Variants in ZNF385A observed in about 807,000 individuals in gnomAD.
The protein encoded by ZNF385A is zinc finger protein 385A.
In ZNF385A, 14 loss-of-function variants were observed where a neutral mutation model predicts 32.1. That is an observed-to-expected ratio of 0.44 (90% CI 0.29 to 0.68). ZNF385A has a LOEUF of 0.68. Ranked by LOEUF, ZNF385A falls within the 30% of genes least tolerant of loss-of-function variation. ZNF385A has a pLI of 0.14. For synonymous variants in ZNF385A, 197 were observed against 202.7 expected, an observed-to-expected ratio of 0.97 and a Z score of 0.24; for missense variants, 406 against 478.4, an observed-to-expected ratio of 0.85 and a Z score of 1.41.
chr12:54,378,608 A>G (rs1411272316), intron 1 of ZNF385A, among the ~76,000 whole-genome samples: 1 of 152,074 alleles, frequency 6.6e-6, no homozygotes, highest in East Asian at 1.9e-4. Context: ...ACCCACCAAA[A>G]TTAAGACGAA....
chr12:54,370,322 A>C lies in ZNF385A; in HGVS notation c.1035T>G (p.Pro345=), dbSNP rs1954450372. The change falls in exon 7 of 7, where the codon CCT becomes CCG. Residue 345 remains proline (P), a synonymous_variant. Transcript: ENST00000394313. The surrounding 1 kb of genome is among the most constrained non-coding windows in gnomAD (Gnocchi z 5.5). The stretch of plus-strand genomic sequence containing the variant: ...TGGGTCCGGGGGCCGGGTGAAGCAG[A>C]GGGTGAGTGATCGGCGGTCCCTGGA... ...PLLQGPPITH[P]LLHPAPGPIR... is the part of the protein sequence containing the mutation. The C allele has an allele frequency of 6.7e-7, 1 of 1,496,500 alleles. No individual in the cohort carries two copies. Among genetic ancestry groups the C allele is most frequent in the African/African-American group, 1.4e-5 (1 of 71,636 alleles). 92.7% of individuals were successfully genotyped at this position (1,496,500 alleles called of 1,614,324 possible).
rs531534107 is a variant in ZNF385A, at chr12:54,390,071, C to T, written c.10+1164G>A. On this transcript the variant is annotated intron_variant, in intron 1 of 7. Transcript: ENST00000338010. ...GAAAGGAAGACAAATAGCAGAGGGA[C>T]TCAGGAGAGGGATGAGTGCAGGAGC... is the stretch of plus-strand genomic sequence containing the variant. 2.6e-5 allele frequency among the ~76,000 whole-genome samples: 4 copies of T among 152,238 alleles called. No individual in the cohort carries two copies. In the East Asian group the frequency reaches 7.7e-4, roughly 29 times the overall value.
chr12:54,379,606 T>C (rs1050718287), intron 1 of ZNF385A, among the ~76,000 whole-genome samples: 16 of 152,066 alleles, frequency 1.1e-4, no homozygotes, highest in African/African-American at 3.9e-4. Context: ...GCCCCTATGC[T>C]GCTACCTTTT....
chr12:54,379,256 G>C (rs1955012681), intron 1 of ZNF385A: 1 of 960,496 alleles, frequency 1.0e-6, no homozygotes, highest in African/African-American at 1.8e-5. Context: ...CCCGGAGGCG[G>C]GGCCGAGGAC....
chr12:54,385,726 AGGGGCCTGGGCCTGACAGCGT>A, upstream of ZNF385A: 1 of 948,890 alleles, frequency 1.1e-6, no homozygotes, highest in Non-Finnish European at 1.3e-6. Context: ...CTGGCCCCCC[AGGGGCCTGGGCCTGACAGCGT>A]CCCCTTCCCT....
In ZNF385A at chr12:54,370,821, C is replaced by T. The variant is rs1954504520; in HGVS notation, c.775-100G>A. Reference sequence around the variant, plus strand: ...AGCACCGGCCCCCTCCCATCTGGCCCCCTGGGGAAAACTCTGAAGAAGGGC... The same window carrying T: ...AGCACCGGCCCCCTCCCATCTGGCCTCCTGGGGAAAACTCTGAAGAAGGGC... On this transcript the variant is annotated intron_variant, in intron 5 of 6. Transcript: ENST00000394313. This position sits in a 1 kb window ranked among gnomAD's most constrained non-coding sequence, Gnocchi z 5.5. 2.5e-6 allele frequency: 4 copies of T among 1,600,128 alleles called. No homozygotes were observed. The highest frequency in any genetic ancestry group is 3.4e-6 in the Non-Finnish European group (4 of 1,173,588).
At chr12:54,379,174 G>A (rs1955005914) in intron 1 of ZNF385A, 44 of 981,016 alleles carry the variant, frequency 4.5e-5, no homozygotes, top group Admixed American at 1.3e-4. Flanking sequence ...CTCGTTGCCC[G>A]GGCGGCTCGG....
At position 54,370,384 on chromosome 12, in the gene ZNF385A, G is replaced by A. The variant is rs1048769229; in HGVS notation, c.973C>T (p.Pro325Ser). ...GCTGGAGCCGGGCGCAGGGACAGCG[G>A]CGAGCCTGCTGCCGCTGCCATCACT... ...AAVMAAAAGS[P>S]LSLRPAPAAP... The change falls in exon 7 of 7, where the codon CCG (proline) becomes TCG (serine). Residue 325 changes from proline to serine, a missense_variant. Transcript: ENST00000394313. The surrounding 1 kb of genome is among the most constrained non-coding windows in gnomAD (Gnocchi z 5.5). 3 of 1,525,616 alleles carry A rather than the reference G, an allele frequency of 2.0e-6. No homozygotes were observed. Among genetic ancestry groups the A allele is most frequent in the African/African-American group, 2.8e-5 (2 of 72,274 alleles). The allele number at this position is 1,525,616 out of a possible 1,614,324, so 94.5% of individuals were successfully genotyped here. A position where few individuals can be genotyped will look rare whatever the true frequency, so the allele number is the denominator to read the frequency against.
upstream of ZNF385A, among the ~76,000 whole-genome samples, chr12:54,389,484 C>G (rs942348818): frequency 6.6e-6 from 1 of 152,192 alleles, no homozygotes; most frequent in Non-Finnish European, 1.5e-5. Context: ...ACAGTGTCCT[C>G]CAGGGGGATG....
chr12:54,385,821 G>C (rs1192068703), upstream of ZNF385A: 1 of 207,742 alleles, frequency 4.8e-6, no homozygotes, highest in Admixed American at 6.5e-5. Context: ...AGTAGAATCA[G>C]CCAATCAGAA....
At chr12:54,389,639 T>G (rs1955584057), upstream of ZNF385A, among the ~76,000 whole-genome samples, 1 of 152,218 alleles carries the variant, frequency 6.6e-6, no homozygotes, top group African/African-American at 2.4e-5. Context: ...GCACGGCTTA[T>G]GCCAGCCTAT....
rs914442390 is a variant in ZNF385A at position 54,380,920 on chromosome 12, G to A, written c.87+3508C>T. ...TCTACTAAAAATACAAAAATTGGCCGGGCGCAGTGGCTCATGCTTGTAATC... is the reference window on the plus strand; with the variant it reads ...TCTACTAAAAATACAAAAATTGGCCAGGCGCAGTGGCTCATGCTTGTAATC... On this transcript the variant is annotated intron_variant, in intron 1 of 6. Transcript: ENST00000394313. 4.6e-5 allele frequency among the ~76,000 whole-genome samples: 7 copies of A among 151,934 alleles called. No homozygotes were observed. In the South Asian group the frequency reaches 6.2e-4, roughly 14 times the overall value.
At chr12:54,388,523 G>A (rs1955552408), upstream of ZNF385A, among the ~76,000 whole-genome samples, 1 of 152,238 alleles carries the variant, frequency 6.6e-6, no homozygotes, top group Admixed American at 6.5e-5. Context: ...AGTAGGAATA[G>A]GAGCCAGGAA....
Position 54,370,942 on chromosome 12 carries a change from C to T in ZNF385A, c.759G>A (p.Glu253=). The T allele has an allele frequency of 6.2e-7, 1 of 1,614,204 alleles. No homozygotes were observed. Among genetic ancestry groups the T allele is most frequent in the Non-Finnish European group, 8.5e-7 (1 of 1,180,028 alleles). ...TTAGACCCACCTGTTTCAGTTGGAC[C>T]TCCGAGTTGACCTTGACATTGCAGA... ...CEICNVKVNS[E]VQLKQHISSR... is the part of the protein sequence containing the mutation. The change falls in exon 5 of 7, where the codon GAG becomes GAA. Residue 253 remains glutamate (E), a synonymous_variant. Coordinates refer to ENST00000394313, the MANE Select transcript of ZNF385A (RefSeq NM_015481.3). This position sits in a 1 kb window ranked among gnomAD's most constrained non-coding sequence, Gnocchi z 5.5.
rs1954411965 is a variant in ZNF385A, at chr12:54,369,671, C to T, written c.*585G>A. ...TGCCGGAGATGCCCCCAAGTGCTGC[C>T]CCCTGCAATGGGCCCGGCTAGACCT... On this transcript the variant is annotated 3_prime_UTR_variant, in exon 7 of 7. Transcript: ENST00000394313. 6.5e-6 allele frequency: 1 copy of T among 152,842 alleles called. No individual in the cohort carries two copies. Among genetic ancestry groups the T allele is most frequent in the Non-Finnish European group, 1.5e-5 (1 of 68,244 alleles). 9.5% of individuals were successfully genotyped at this position (152,842 alleles called of 1,614,324 possible).
chr12:54,379,911 G>A (rs956912904), intron 1 of ZNF385A, among the ~76,000 whole-genome samples: 1 of 152,250 alleles, frequency 6.6e-6, no homozygotes, highest in East Asian at 1.9e-4. Context: ...CACTCCCCCA[G>A]ACACCTCGTT....
chr12:54,390,295 GGC>G (rs1019348984), intron 1 of ZNF385A, among the ~76,000 whole-genome samples: 2 of 152,054 alleles, frequency 1.3e-5, no homozygotes. Flanking sequence ...GCATGCAGCC[GGC>G]GCTGATGCAG....
At chr12:54,372,420 G>C (rs1292439187) in intron 3 of ZNF385A, among the ~76,000 whole-genome samples, 1 of 152,140 alleles carries the variant, frequency 6.6e-6, no homozygotes, top group African/African-American at 2.4e-5. Flanking sequence ...ACCCCTCCAG[G>C]TACCCATTTG....
chr12:54,383,886 T>A (rs1165852109), intron 1 of ZNF385A, among the ~76,000 whole-genome samples: 1 of 152,168 alleles, frequency 6.6e-6, no homozygotes, highest in Non-Finnish European at 1.5e-5. Context: ...AGAGTGAGAC[T>A]CCGTCTCATA....
Sources: allele counts gnomAD v4.1 joint callset (sites outside exome capture counted in the v4.1 genomes callset), GRCh38; gene constraint gnomAD v4.1.1; non-coding constraint Gnocchi (gnomAD v3.1); transcripts MANE v1.5; gene names NCBI Gene and HGNC (gene_info 2026-07-23, HGNC 2026-07-21).